Variants in ABHD6 observed in about 807,000 individuals in gnomAD.
ABHD6 encodes the protein monoacylglycerol lipase ABHD6.
Under a neutral mutation model 38.8 loss-of-function variants are expected in ABHD6, and 33 were observed. The observed-to-expected ratio is 0.85, with a 90% CI of 0.64 to 1.14. The LOEUF is 1.14. ABHD6 is among the 50% of genes most tolerant of loss of function. ABHD6 has a pLI of 0.00. For missense variants in ABHD6, 380 were observed against 422.6 expected, an observed-to-expected ratio of 0.90 and a Z score of 0.88; for synonymous variants, 147 against 161.6, an observed-to-expected ratio of 0.91 and a Z score of 0.69.
Position 58,269,317 on chromosome 3 carries a change from TC to T in ABHD6, c.277-3del. The T allele has an allele frequency of 6.2e-7, 1 of 1,611,808 alleles. No individual in the cohort carries two copies. Among genetic ancestry groups the T allele is most frequent in the Non-Finnish European group, 8.5e-7 (1 of 1,178,072 alleles). ...ACTGACTCTCTGGGTCTGTGTGTCC[TC>T]AGTTCCTTCCAAAGAACCTGCACTT... On this transcript the variant is annotated splice_region_variant and splice_polypyrimidine_tract_variant and intron_variant, in intron 4 of 9. Coordinates refer to ENST00000478253, the MANE Select transcript of ABHD6 (RefSeq NM_001320126.2). This position sits in a 1 kb window ranked among gnomAD's most constrained non-coding sequence, Gnocchi z 4.4.
Position 58,293,603 on chromosome 3 carries a change from T to C in ABHD6, c.852T>C (p.Ser284=), listed in dbSNP as rs530386426. Reference sequence around the variant, plus strand: ...TTGCCCAGCAGGTGCTGGATGTGTCTGGGGCAGACATGTTGGCCAAGTCAA... The same window carrying C: ...TTGCCCAGCAGGTGCTGGATGTGTCCGGGGCAGACATGTTGGCCAAGTCAA... The part of the protein sequence containing the change: ...WGKQDQVLDV[S]GADMLAKSIA... The change falls in exon 10 of 10, where the codon TCT becomes TCC. Residue 284 remains serine (S), a synonymous_variant. Coordinates refer to ENST00000478253, the MANE Select transcript of ABHD6 (RefSeq NM_001320126.2). This position sits in a 1 kb window ranked among gnomAD's most constrained non-coding sequence, Gnocchi z 4.4. 2.5e-5 allele frequency: 40 copies of C among 1,614,130 alleles called. No homozygotes were observed. In the South Asian group the frequency reaches 3.5e-4, roughly 14 times the overall value.
Position 58,266,812 on chromosome 3 carries a change from G to A in ABHD6, c.120-377G>A, listed in dbSNP as rs980282646. On this transcript the variant is annotated intron_variant, in intron 3 of 9. Coordinates refer to ENST00000478253, the MANE Select transcript of ABHD6 (RefSeq NM_001320126.2). This position sits in a 1 kb window ranked among gnomAD's most constrained non-coding sequence, Gnocchi z 4.0. ...CTTTCAACCAGCTGCCATATGTTAT[G>A]AGGAACAAAGCCAGAGGACCAGTGC... 1.3e-5 allele frequency among the ~76,000 whole-genome samples: 2 copies of A among 152,356 alleles called. No homozygotes were observed. The highest frequency in any genetic ancestry group is 1.9e-4 in the East Asian group (1 of 5,186).
chr3:58,290,473 A>C (rs1385062600), intron 9 of ABHD6, among the ~76,000 whole-genome samples: 24 of 54,788 alleles, frequency 4.4e-4, no homozygotes, highest in Admixed American at 6.5e-4. Context: ...CGGGGGGCTG[A>C]CCCCCCCACC....
intron 1 of ABHD6, among the ~76,000 whole-genome samples, chr3:58,243,474 C>G (rs2097424225): frequency 6.6e-6 from 1 of 152,078 alleles, no homozygotes; most frequent in African/African-American, 2.4e-5. Context: ...GAGATAACTT[C>G]TAGCTCCACC....
At chr3:58,279,130 A>G (rs1052267353) in intron 7 of ABHD6, among the ~76,000 whole-genome samples, 2 of 152,174 alleles carry the variant, frequency 1.3e-5, no homozygotes, top group Non-Finnish European at 2.9e-5. Flanking sequence ...CTTGGTGCAG[A>G]GCTGAGTTCA....
intron 1 of ABHD6, among the ~76,000 whole-genome samples, chr3:58,247,996 C>T (rs1438373289): frequency 6.6e-6 from 1 of 152,224 alleles, no homozygotes. Flanking sequence ...CAGTGCTAAC[C>T]ATAATCATGG....
At chr3:58,264,640 G>A (rs1025852614) in intron 3 of ABHD6, among the ~76,000 whole-genome samples, 44 of 152,030 alleles carry the variant, frequency 2.9e-4, no homozygotes, top group African/African-American at 1.1e-3. Flanking sequence ...GCAGTGAACC[G>A]TGATTGTGTC....
chr3:58,291,201 A>C (rs1448879409), intron 9 of ABHD6, among the ~76,000 whole-genome samples: 2 of 149,872 alleles, frequency 1.3e-5, no homozygotes, highest in Non-Finnish European at 3.0e-5. Context: ...ACACAGTGAA[A>C]CCCGTCTCCA....
rs1195736687 is a variant in ABHD6, at chr3:58,256,327, A to G, written c.-25-235A>G. On this transcript the variant is annotated intron_variant, in intron 2 of 9. Transcript: ENST00000478253. The surrounding 1 kb of genome is among the most constrained non-coding windows in gnomAD (Gnocchi z 4.3). ...TTACTCAGATTTTCACATTTGTCCC[A>G]ACTATGTCCTTTATAATGTTTTTTT... Among the ~76,000 whole-genome samples the G allele has an allele frequency of 7.3e-6, 1 of 137,130 alleles. No individual in the cohort carries two copies. The highest frequency in any genetic ancestry group is 1.5e-5 in the Non-Finnish European group (1 of 65,376). 90.0% of individuals were successfully genotyped at this position (137,130 alleles called of 152,430 possible). A position where few individuals can be genotyped will look rare whatever the true frequency, so the allele number is the denominator to read the frequency against.
Position 58,293,896 on chromosome 3 carries a change from T to A in ABHD6, c.*131T>A, listed in dbSNP as rs2097465350. ...CAGTGACCCTGAGGAAGCCCGTCCC[T>A]TATCCCTGGTATCCACGGTTCCCCA... On this transcript the variant is annotated 3_prime_UTR_variant, in exon 10 of 10. Transcript: ENST00000478253. The surrounding 1 kb of genome is among the most constrained non-coding windows in gnomAD (Gnocchi z 4.4). 1 of 982,994 alleles carries A rather than the reference T, an allele frequency of 1.0e-6. No homozygotes were observed. Among genetic ancestry groups the A allele is most frequent in the Non-Finnish European group, 1.5e-6 (1 of 688,200 alleles). 60.9% of individuals were successfully genotyped at this position (982,994 alleles called of 1,614,324 possible). A position where few individuals can be genotyped will look rare whatever the true frequency, so the allele number is the denominator to read the frequency against.
chr3:58,286,848 G>GCGCATATATATATATATA (rs746605515), intron 9 of ABHD6, among the ~76,000 whole-genome samples: 2 of 70,058 alleles, frequency 2.9e-5, no homozygotes, highest in African/African-American at 1.1e-4. Context: ...GTGTGTGTGT[G>GCGCATATATATATATATA]TGTGTATATA....
intron 7 of ABHD6, among the ~76,000 whole-genome samples, chr3:58,277,372 T>G (rs1049963262): frequency 1.3e-5 from 2 of 152,164 alleles, no homozygotes; most frequent in African/African-American, 4.8e-5. Flanking sequence ...ATTCTCTTTG[T>G]AGCAATTGTG....
rs953811230 is a variant in ABHD6 at position 58,269,320 on chromosome 3, G to C, written c.277-1G>C. The C allele has an allele frequency of 3.1e-6, 5 of 1,612,966 alleles. No individual in the cohort carries two copies. The highest frequency in any genetic ancestry group is 4.2e-6 in the Non-Finnish European group (5 of 1,179,086). On this transcript the variant is annotated splice_acceptor_variant, in intron 4 of 9. Transcript: ENST00000478253. LOFTEE classifies it high-confidence loss of function. This position sits in a 1 kb window ranked among gnomAD's most constrained non-coding sequence, Gnocchi z 4.4. ...GACTCTCTGGGTCTGTGTGTCCTCA[G>C]TTCCTTCCAAAGAACCTGCACTTGG...
intron 3 of ABHD6, among the ~76,000 whole-genome samples, chr3:58,258,167 C>T (rs531896123): frequency 1.9e-4 from 29 of 152,090 alleles, no homozygotes; most frequent in African/African-American, 6.3e-4. Flanking sequence ...ATTAGCTAGG[C>T]GTGGTGGTGC....
At chr3:58,244,232 A>G (rs945771706) in intron 1 of ABHD6, among the ~76,000 whole-genome samples, 1 of 152,258 alleles carries the variant, frequency 6.6e-6, no homozygotes, top group African/African-American at 2.4e-5. Flanking sequence ...ATGATGTGTC[A>G]AAGCAATAAT....
intron 1 of ABHD6, among the ~76,000 whole-genome samples, chr3:58,247,827 G>A (rs1193620812): frequency 2.0e-5 from 3 of 152,202 alleles, no homozygotes; most frequent in Non-Finnish European, 2.9e-5. Context: ...TGCCCGCCTC[G>A]GCTTCCCAAA....
chr3:58,250,531 A>G (rs2097429218), intron 2 of ABHD6, among the ~76,000 whole-genome samples: 1 of 152,022 alleles, frequency 6.6e-6, no homozygotes, highest in Admixed American at 6.6e-5. Context: ...TGGTGGGACT[A>G]TGGGGTGTGA....
intron 2 of ABHD6, among the ~76,000 whole-genome samples, chr3:58,255,159 CT>C: frequency 6.6e-6 from 1 of 152,322 alleles, no homozygotes; most frequent in East Asian, 1.9e-4. Flanking sequence ...ACACCCAGTC[CT>C]TACTCTCATG....
Position 58,263,794 on chromosome 3 carries a change from A to G in ABHD6, c.120-3395A>G, listed in dbSNP as rs2097438820. Reference sequence around the variant, plus strand: ...GAGAATTTGATGATTATAAAAACGTAACCCATTCGAGCCCCACTCCCAGTA... The same window carrying G: ...GAGAATTTGATGATTATAAAAACGTGACCCATTCGAGCCCCACTCCCAGTA... On this transcript the variant is annotated intron_variant, in intron 3 of 9. Transcript: ENST00000478253. This position sits in a 1 kb window ranked among gnomAD's most constrained non-coding sequence, Gnocchi z 4.9. Among the ~76,000 whole-genome samples, 4 of 152,228 alleles carry G rather than the reference A, an allele frequency of 2.6e-5. No homozygotes were observed. Among genetic ancestry groups the G allele is most frequent in the Non-Finnish European group, 4.4e-5 (3 of 68,044 alleles).
Sources: gnomAD v4.1 joint callset for allele counts (sites outside exome capture counted in the v4.1 genomes callset) on GRCh38, gnomAD v4.1.1 for gene constraint, Gnocchi (gnomAD v3.1) non-coding constraint, MANE v1.5 for transcripts, NCBI Gene and HGNC (gene_info 2026-07-23, HGNC 2026-07-21) for gene names.